The following METTL14 variants were observed in gnomAD, a reference collection of about 807,000 sequenced individuals.
METTL14 encodes N(6)-adenosine-methyltransferase non-catalytic subunit METTL14.
METTL14 carries 32 observed loss-of-function variants against 62.4 expected under a neutral mutation model. The observed-to-expected ratio is 0.51, with a 90% CI of 0.39 to 0.69. The LOEUF (loss-of-function observed/expected upper bound fraction) is 0.69. Ranked by LOEUF, METTL14 falls within the 30% of genes least tolerant of loss-of-function variation. The pLI is 0.00. For missense variants in METTL14, 340 were observed against 551.9 expected, an observed-to-expected ratio of 0.62 and a Z score of 3.85; for synonymous variants, 150 against 180.0, an observed-to-expected ratio of 0.83 and a Z score of 1.34.
At chr4:118,709,594 C>G (rs576423131) in intron 10 of METTL14, among the ~76,000 whole-genome samples, 1 of 152,220 alleles carries the variant, frequency 6.6e-6, no homozygotes, top group South Asian at 2.1e-4. Context: ...AGAATATTTT[C>G]TAGTTAGCAA....
At chr4:118,705,919 G>A (rs1319756339) in intron 10 of METTL14, 98 bp downstream of exon 10, 1 of 958,506 alleles carries the variant, frequency 1.0e-6, no homozygotes, top group African/African-American at 1.6e-5. Context: ...TTATGCATTT[G>A]ATTCCTTTTC....
intron 5 of METTL14, among the ~76,000 whole-genome samples, chr4:118,693,446 T>G (rs1398924963): frequency 2.0e-5 from 3 of 152,178 alleles, no homozygotes; most frequent in Non-Finnish European, 4.4e-5. Context: ...ATGAATAATT[T>G]GCGAATATTT....
chr4:118,710,204 C>G lies in METTL14; in HGVS notation c.1273C>G (p.Arg425Gly). The change falls in exon 11 of 11, where the codon CGT becomes GGT. Residue 425 changes from arginine to glycine, a missense_variant. Arg to Gly is a moderately radical substitution (Grantham distance 125). Coordinates refer to ENST00000388822, the MANE Select transcript of METTL14 (RefSeq NM_020961.4). ...AGGAAGAGGTGGAACTTCTGCTGGCCGTGGACGAGAAAGAAATAGATCTAA... is the reference window on the plus strand; with the variant it reads ...AGGAAGAGGTGGAACTTCTGCTGGCGGTGGACGAGAAAGAAATAGATCTAA... ...GGGRGGTSAG[R>G]GRERNRSNFR... 4 of 1,614,106 alleles carry G rather than the reference C, an allele frequency of 2.5e-6. No homozygotes were observed. The highest frequency in any genetic ancestry group is 3.4e-6 in the Non-Finnish European group (4 of 1,180,018).
intron 2 of METTL14, among the ~76,000 whole-genome samples, chr4:118,688,874 A>G (rs1050679119): frequency 2.6e-5 from 4 of 151,994 alleles, no homozygotes; most frequent in African/African-American, 9.7e-5. Context: ...GGGTTTCATC[A>G]TGTTGGCCAG....
Position 118,711,867 on chromosome 4 carries a change from G to A in METTL14, c.*1565G>A, listed in dbSNP as rs1169085728. Reference sequence around the variant, plus strand: ...ATGGGTCCTTAGAAGTATCAGCTAAGGAGTGACCCTGTCCTATACACAGGG... The same window carrying A: ...ATGGGTCCTTAGAAGTATCAGCTAAAGAGTGACCCTGTCCTATACACAGGG... On this transcript the variant is annotated 3_prime_UTR_variant, in exon 11 of 11. Coordinates refer to ENST00000388822, the MANE Select transcript of METTL14 (RefSeq NM_020961.4). 1 of 152,168 alleles carries A rather than the reference G, an allele frequency of 6.6e-6. No individual in the cohort carries two copies. The highest frequency in any genetic ancestry group is 2.4e-5 in the African/African-American group (1 of 41,430). 9.4% of individuals were successfully genotyped at this position (152,168 alleles called of 1,614,324 possible).
At chr4:118,693,119 A>G (rs1048865096) in intron 5 of METTL14, among the ~76,000 whole-genome samples, 1 of 152,168 alleles carries the variant, frequency 6.6e-6, no homozygotes, top group Non-Finnish European at 1.5e-5. Context: ...ACAACGTATG[A>G]TGGTTCCAAT....
In METTL14 at chr4:118,711,337, G is replaced by A. The variant is rs1262756038; in HGVS notation, c.*1035G>A. 1.3e-5 allele frequency: 2 copies of A among 152,132 alleles called. No individual in the cohort carries two copies. The highest frequency in any genetic ancestry group is 2.9e-5 in the Non-Finnish European group (2 of 68,018). The allele number at this position is 152,132 out of a possible 1,614,324, so 9.4% of individuals were successfully genotyped here. ...ACTTTATGCTGTCACTTCTCTTGCT[G>A]TACTGTAATTCATGTTTTAAATGAA... On this transcript the variant is annotated 3_prime_UTR_variant, in exon 11 of 11. Transcript: ENST00000388822.
chr4:118,687,941 G>A lies in METTL14; in HGVS notation c.85G>A (p.Asp29Asn), dbSNP rs200462174. ...TTCTCAGTTGGGAGCTGAAAGTGCC[G>A]ACAGCATTGGTGCCGTGTTAAATAG... ...LAQQLGAESA[D>N]SIGAVLNSKD... The change falls in exon 2 of 11, where the codon GAC (aspartate) becomes AAC (asparagine). Residue 29 changes from aspartate to asparagine, a missense_variant. Physicochemically the swap from Asp to Asn is conservative, Grantham distance 23 (BLOSUM62 1). This residue lies in a region of METTL14 where 111 missense variants were observed against 116.6 expected (regional missense o/e 0.95). Coordinates refer to ENST00000388822, the MANE Select transcript of METTL14 (RefSeq NM_020961.4). 4 of 1,613,668 alleles carry A rather than the reference G, an allele frequency of 2.5e-6. No individual in the cohort carries two copies. The highest frequency in any genetic ancestry group is 2.2e-5 in the East Asian group (1 of 44,898).
intron 3 of METTL14, 129 bp from the exon 4 acceptor site, chr4:118,691,399 ATGTT>A: frequency 1.8e-6 from 1 of 558,272 alleles, no homozygotes; most frequent in Non-Finnish European, 3.1e-6. Flanking sequence ...AAAGACTTCA[ATGTT>A]TGATTTTAAT....
intron 8 of METTL14, among the ~76,000 whole-genome samples, chr4:118,703,224 A>G (rs1171880005): frequency 6.6e-6 from 1 of 151,852 alleles, no homozygotes; most frequent in African/African-American, 2.4e-5. Flanking sequence ...GGGGATAGGG[A>G]CTGTGTCTTA....
chr4:118,700,107 C>A (rs1039078706), intron 7 of METTL14, among the ~76,000 whole-genome samples: 58 of 151,774 alleles, frequency 3.8e-4, no homozygotes, highest in African/African-American at 1.3e-3. Flanking sequence ...TTGAGAAGTT[C>A]TTCTGTAGAC....
At chr4:118,698,186 G>T (rs944100132) in intron 7 of METTL14, among the ~76,000 whole-genome samples, 3 of 152,122 alleles carry the variant, frequency 2.0e-5, no homozygotes, top group African/African-American at 7.2e-5. Flanking sequence ...CAGGTGTGGT[G>T]TCTCATGCCT....
intron 10 of METTL14, among the ~76,000 whole-genome samples, chr4:118,708,443 C>G (rs369457721): frequency 6.6e-6 from 1 of 152,142 alleles, no homozygotes. Flanking sequence ...ATAAAAATCT[C>G]ATAGGTTTAA....
rs1428666867 is a variant in METTL14 at position 118,691,943 on chromosome 4, A to G, written c.325-38A>G. Reference sequence around the variant, plus strand: ...ACAGAGATAATTTATCTGCCATTACAATGCATGTTACAAATTTAATTTTGT... The same window carrying G: ...ACAGAGATAATTTATCTGCCATTACGATGCATGTTACAAATTTAATTTTGT... On this transcript the variant is annotated intron_variant, in intron 4 of 10. Transcript: ENST00000388822. 5 of 1,295,240 alleles carry G rather than the reference A, an allele frequency of 3.9e-6. No individual in the cohort carries two copies. In the African/African-American group the frequency reaches 7.3e-5, roughly 19 times the overall value. The allele number at this position is 1,295,240 out of a possible 1,614,324, so 80.2% of individuals were successfully genotyped here.
Position 118,704,047 on chromosome 4 carries a change from C to CA in METTL14, c.854dup (p.Glu286GlyfsTer14). 1 of 1,544,886 alleles carries CA rather than the reference C, an allele frequency of 6.5e-7. No homozygotes were observed. The highest frequency in any genetic ancestry group is 1.2e-5 in the South Asian group (1 of 83,204). Reference sequence around the variant, plus strand: ...GATCCAAAGGCTGTCTTTCAGAGAACAAAGGTATTGCCTTTACTGATTTGT... The same window carrying CA: ...GATCCAAAGGCTGTCTTTCAGAGAACAAAAGGTATTGCCTTTACTGATTTGT... On this transcript the variant is annotated frameshift_variant, in exon 9 of 11. Transcript: ENST00000388822. LOFTEE classifies it high-confidence loss of function.
chr4:118,710,465 CA>C lies in METTL14; in HGVS notation c.*164del. 1 of 677,428 alleles carries C rather than the reference CA, an allele frequency of 1.5e-6. No individual in the cohort carries two copies. The highest frequency in any genetic ancestry group is 2.8e-5 in the East Asian group (1 of 36,248). 42.0% of individuals were successfully genotyped at this position (677,428 alleles called of 1,614,324 possible). A position where few individuals can be genotyped will look rare whatever the true frequency, so the allele number is the denominator to read the frequency against. On this transcript the variant is annotated 3_prime_UTR_variant, in exon 11 of 11. Coordinates refer to ENST00000388822, the MANE Select transcript of METTL14 (RefSeq NM_020961.4). Reference sequence around the variant, plus strand: ...GCGAGCCTTGCTTGCAGTTGTCACACACACTGTCTGGTTTTTTTCAGGATAA... The same window carrying C: ...GCGAGCCTTGCTTGCAGTTGTCACACCACTGTCTGGTTTTTTTCAGGATAA...
intron 1 of METTL14, among the ~76,000 whole-genome samples, chr4:118,686,226 T>A (rs1724053907): frequency 6.6e-6 from 1 of 152,258 alleles, no homozygotes; most frequent in African/African-American, 2.4e-5. Flanking sequence ...TTACTCCTGG[T>A]CGCTCACTTC....
chr4:118,694,948 C>T (rs1042718691), intron 6 of METTL14, among the ~76,000 whole-genome samples: 1 of 151,976 alleles, frequency 6.6e-6, no homozygotes, highest in Non-Finnish European at 1.5e-5. Flanking sequence ...ATTACAGGCA[C>T]GCACCACCAT....
intron 10 of METTL14, among the ~76,000 whole-genome samples, chr4:118,709,479 TA>T (rs11398154): frequency 9.7e-4 from 146 of 151,192 alleles, no homozygotes; most frequent in African/African-American, 3.3e-3. Context: ...ATTGACCTTG[TA>T]AAAAAAAATA....
Sources: gnomAD v4.1 joint callset for allele counts (sites outside exome capture counted in the v4.1 genomes callset) on GRCh38, gnomAD v4.1.1 for gene constraint, gnomAD v4.1.1 regional missense constraint, MANE v1.5 for transcripts, NCBI Gene and HGNC (gene_info 2026-07-23, HGNC 2026-07-21) for gene names.